Variants in DPYD observed in about 807,000 individuals in gnomAD.
DPYD encodes dihydropyrimidine dehydrogenase.
In DPYD, 109 loss-of-function variants were observed where a neutral mutation model predicts 116.2. The observed-to-expected ratio is 0.94, with a 90% confidence interval of 0.80 to 1.10. The LOEUF (loss-of-function observed/expected upper bound fraction) is 1.10. DPYD is among the 50% of genes least tolerant of loss of function. DPYD has a pLI of 0.00. For missense variants in DPYD, 1,302 were observed against 1,254.5 expected, an observed-to-expected ratio of 1.04 and a Z score of -0.57; for synonymous variants, 440 against 432.0, an observed-to-expected ratio of 1.02 and a Z score of -0.23.
intron 13 of DPYD, among the ~76,000 whole-genome samples, chr1:97,510,856 C>T (rs1024869311): frequency 1.3e-5 from 2 of 151,990 alleles, no homozygotes; most frequent in Non-Finnish European, 2.9e-5. Context: ...TAGAACACTA[C>T]TAGCCTTGTG....
intron 10 of DPYD, 95 bp downstream of exon 10, chr1:97,593,123 A>G: frequency 2.8e-6 from 4 of 1,446,976 alleles, no homozygotes; most frequent in Non-Finnish European, 3.8e-6. Flanking sequence ...CTTGAATTTG[A>G]CAATTTCAAC....
intron 14 of DPYD, among the ~76,000 whole-genome samples, chr1:97,393,761 T>G (rs1196899294): frequency 3.3e-5 from 5 of 152,160 alleles, no homozygotes; most frequent in Non-Finnish European, 7.4e-5. Flanking sequence ...TATGTGTGTA[T>G]GTGTCTTTAT....
intron 3 of DPYD, among the ~76,000 whole-genome samples, chr1:97,827,480 T>C (rs1306089449): frequency 6.6e-6 from 1 of 152,026 alleles, no homozygotes; most frequent in Non-Finnish European, 1.5e-5. Context: ...TCTGATCAAA[T>C]AGATTTGAAA....
intron 13 of DPYD, among the ~76,000 whole-genome samples, chr1:97,474,354 T>C (rs1017660018): frequency 1.3e-5 from 2 of 152,178 alleles, no homozygotes; most frequent in South Asian, 4.1e-4. Context: ...TAACTAAACA[T>C]ATGAAAACAT....
At chr1:97,482,719 G>A (rs1570808345) in intron 13 of DPYD, among the ~76,000 whole-genome samples, 1 of 152,080 alleles carries the variant, frequency 6.6e-6, no homozygotes, top group South Asian at 2.1e-4. Flanking sequence ...TGGATACTGA[G>A]AATAGGCCAG....
intron 12 of DPYD, among the ~76,000 whole-genome samples, chr1:97,547,537 C>G (rs1650992850): frequency 6.6e-6 from 1 of 152,044 alleles, no homozygotes; most frequent in South Asian, 2.1e-4. Flanking sequence ...CTTTGCCTAG[C>G]CTAGTCCCTT....
At chr1:97,084,364 C>T (rs908459641) in intron 21 of DPYD, among the ~76,000 whole-genome samples, 1 of 151,702 alleles carries the variant, frequency 6.6e-6, no homozygotes, top group Non-Finnish European at 1.5e-5. Context: ...AATGCCACTA[C>T]TTCATGAAGA....
chr1:97,104,961 G>T (rs1243246274), intron 20 of DPYD, among the ~76,000 whole-genome samples: 1 of 152,080 alleles, frequency 6.6e-6, no homozygotes, highest in African/African-American at 2.4e-5. Context: ...AGGTGCTGGG[G>T]CCCAGGCCAC....
intron 18 of DPYD, among the ~76,000 whole-genome samples, chr1:97,281,704 T>C (rs1281554731): frequency 6.6e-6 from 1 of 151,902 alleles, no homozygotes; most frequent in East Asian, 1.9e-4. Flanking sequence ...GGGTGAGAAA[T>C]GTATGGGATC....
intron 8 of DPYD, among the ~76,000 whole-genome samples, chr1:97,638,176 A>G (rs1379138678): frequency 1.3e-5 from 2 of 152,152 alleles, no homozygotes; most frequent in South Asian, 2.1e-4. Context: ...TGAGAATCAC[A>G]TGCATAACAT....
intron 1 of DPYD, among the ~76,000 whole-genome samples, chr1:97,917,855 G>C (rs2101721320): frequency 6.6e-6 from 1 of 152,238 alleles, no homozygotes; most frequent in East Asian, 1.9e-4. Flanking sequence ...AGGGGAACAA[G>C]GTCTTGAACA....
intron 16 of DPYD, among the ~76,000 whole-genome samples, chr1:97,324,512 A>C (rs1438236899): frequency 2.0e-5 from 3 of 152,066 alleles, no homozygotes; most frequent in African/African-American, 7.2e-5. Context: ...TTTCTTTAGA[A>C]AGGAGCTATT....
At chr1:97,898,701 T>C (rs954985322) in intron 1 of DPYD, among the ~76,000 whole-genome samples, 2 of 151,934 alleles carry the variant, frequency 1.3e-5, no homozygotes, top group African/African-American at 4.8e-5. Context: ...ATAATCCCCA[T>C]GTCACACGGG....
chr1:97,653,653 T>G (rs1658724416), intron 8 of DPYD, among the ~76,000 whole-genome samples: 1 of 152,150 alleles, frequency 6.6e-6, no homozygotes, highest in Non-Finnish European at 1.5e-5. Context: ...TGTATTCTCA[T>G]GATAATTTTT....
Position 97,082,366 on chromosome 1 carries a change from A to T in DPYD, c.2871T>A (p.Gly957=). 1 of 1,613,626 alleles carries T rather than the reference A, an allele frequency of 6.2e-7. No individual in the cohort carries two copies. Among genetic ancestry groups the T allele is most frequent in the Non-Finnish European group, 8.5e-7 (1 of 1,179,616 alleles). The change falls in exon 22 of 23, where the codon GGT becomes GGA. Residue 957 remains glycine, a synonymous_variant. Coordinates refer to ENST00000370192, the MANE Select transcript of DPYD (RefSeq NM_000110.4). ...AATCATTACAGGTCATGTAGCATTT[A>T]CCACAGTTGATACACATTTCTTCAT... ...MIDEEMCINC[G]KCYMTCNDSG...
chr1:97,846,811 T>C (rs1045285306), intron 2 of DPYD, among the ~76,000 whole-genome samples: 2 of 152,366 alleles, frequency 1.3e-5, no homozygotes, highest in East Asian at 3.9e-4. Context: ...CTTTCTATTT[T>C]TTAATGACTA....
rs377600668 is a variant in DPYD at position 97,316,614 on chromosome 1, A to G, written c.2059-10317T>C. On this transcript the variant is annotated intron_variant, in intron 16 of 22. Coordinates refer to ENST00000370192, the MANE Select transcript of DPYD (RefSeq NM_000110.4). ...TTCTTCCAGGTGTGTTGGGCCTCCA[A>G]TGCCCTCTGTTCTGAACTGTACTCC... 4.3e-4 allele frequency among the ~76,000 whole-genome samples: 66 copies of G among 151,908 alleles called. 1 individual carries two copies. In the East Asian group the frequency reaches 0.012, roughly 28 times the overall value.
chr1:97,330,159 T>C (rs1467817896), intron 16 of DPYD, among the ~76,000 whole-genome samples: 2 of 152,038 alleles, frequency 1.3e-5, no homozygotes, highest in Non-Finnish European at 2.9e-5. Flanking sequence ...TGACACAATA[T>C]AAAGTGAATC....
At chr1:97,688,667 T>TAAAGC (rs575120507) in intron 7 of DPYD, among the ~76,000 whole-genome samples, 56 of 152,082 alleles carry the variant, frequency 3.7e-4, no homozygotes, top group African/African-American at 1.3e-3. Flanking sequence ...CAAATAAAAA[T>TAAAGC]AAAGCAAAAC....
Sources: gnomAD v4.1 joint callset for allele counts (sites outside exome capture counted in the v4.1 genomes callset) on GRCh38, gnomAD v4.1.1 for gene constraint, MANE v1.5 for transcripts, NCBI Gene and HGNC (gene_info 2026-07-23, HGNC 2026-07-21) for gene names.